TERB1: variants seen among roughly 807,000 people sequenced by gnomAD.
TERB1 encodes the protein telomere repeats-binding bouquet formation protein 1.
Under a neutral mutation model 92.3 loss-of-function variants are expected in TERB1, and 63 were observed. That is an observed-to-expected ratio of 0.68 (90% CI 0.56 to 0.84). TERB1 has a LOEUF of 0.84. Among genes scored for constraint, TERB1 ranks in the 40% least tolerant of loss-of-function variants. The pLI, the probability that TERB1 is intolerant of heterozygous loss-of-function variation, is 0.00. For synonymous variants in TERB1, 252 were observed against 283.9 expected, an observed-to-expected ratio of 0.89 and a Z score of 1.13; for missense variants, 709 against 843.7, an observed-to-expected ratio of 0.84 and a Z score of 1.98.
At chr16:66,774,192 T>TG (rs1224713075) in intron 12 of TERB1, among the ~76,000 whole-genome samples, 6 of 145,130 alleles carry the variant, frequency 4.1e-5, no homozygotes, top group African/African-American at 1.5e-4. Flanking sequence ...AAACGTTTTT[T>TG]TTTTTTTTTT....
chr16:66,772,720 A>G lies in TERB1; in HGVS notation c.1141T>C (p.Tyr381His), dbSNP rs1157753384. The G allele has an allele frequency of 1.3e-6, 2 of 1,547,426 alleles. No homozygotes were observed. Among genetic ancestry groups the G allele is most frequent in the Non-Finnish European group, 1.7e-6 (2 of 1,144,878 alleles). Residue 381 changes from tyrosine (Y) to histidine (H), a missense_variant, in exon 13 of 19, where the codon TAT becomes CAT. Physicochemically the swap from Tyr to His is moderately conservative, Grantham distance 83. Transcript: ENST00000433154. ...TEKLSLSLGE[Y>H]PFDENETQQL... ...TGTGTTTCATTTTCATCAAAAGGAT[A>G]TTCTCCTAGACTTAGAGATAATTTC...
At chr16:66,776,295 C>A (rs2018547444) in intron 11 of TERB1, among the ~76,000 whole-genome samples, 1 of 149,254 alleles carries the variant, frequency 6.7e-6, no homozygotes, top group South Asian at 2.1e-4. Context: ...CACCGCTGCA[C>A]TCCAGCCTGG....
intron 9 of TERB1, among the ~76,000 whole-genome samples, chr16:66,783,136 A>G (rs2018665903): frequency 6.6e-6 from 1 of 152,190 alleles, no homozygotes; most frequent in Non-Finnish European, 1.5e-5. Context: ...TTATAGGCAT[A>G]AGGCACTACA....
At position 66,779,007 on chromosome 16, in the gene TERB1, G is replaced by A. The variant is rs2145170911; in HGVS notation, c.709C>T (p.Gln237Ter). The A allele has an allele frequency of 6.7e-7, 1 of 1,494,878 alleles. No individual in the cohort carries two copies. Among genetic ancestry groups the A allele is most frequent in the East Asian group, 2.5e-5 (1 of 39,552 alleles). 92.6% of individuals were successfully genotyped at this position (1,494,878 alleles called of 1,614,324 possible). ...CCGCCCACAGATACGAAGTATTTCT[G>A]AACATATGCTTAAAGAATAAAGTAG... ...GLTLANNTYV[Q>*]KYFVSVGGLD... The change falls in exon 10 of 19, where the codon CAG (glutamine) becomes TAG (stop). Residue 237 changes from glutamine to a stop codon, truncating the protein, a stop_gained. Transcript: ENST00000433154. LOFTEE classifies it high-confidence loss of function.
chr16:66,768,754 A>AG (rs533305543), intron 14 of TERB1, among the ~76,000 whole-genome samples: 40 of 152,326 alleles, frequency 2.6e-4, no homozygotes, highest in African/African-American at 8.9e-4. Context: ...ACTACATAGG[A>AG]GAAAAAAAGC....
rs1469377764 is a variant in TERB1, at chr16:66,754,950, A to G, written c.*26T>C. The G allele has an allele frequency of 6.5e-7, 1 of 1,530,464 alleles. No individual in the cohort carries two copies. The highest frequency in any genetic ancestry group is 1.3e-5 in the South Asian group (1 of 79,470). The allele number at this position is 1,530,464 out of a possible 1,614,324, so 94.8% of individuals were successfully genotyped here. On this transcript the variant is annotated 3_prime_UTR_variant, in exon 19 of 19. Coordinates refer to ENST00000433154, the MANE Select transcript of TERB1 (RefSeq NM_001136505.2). ...AAGGCACTGTATTTTAAGAATCCAAACTAAAAACTGACAGTCTTCTTTCAA... is the reference window on the plus strand; with the variant it reads ...AAGGCACTGTATTTTAAGAATCCAAGCTAAAAACTGACAGTCTTCTTTCAA...
chr16:66,756,123 T>G (rs2018133946), intron 18 of TERB1, among the ~76,000 whole-genome samples: 1 of 152,122 alleles, frequency 6.6e-6, no homozygotes, highest in Non-Finnish European at 1.5e-5. Flanking sequence ...TTTTCATTCA[T>G]TATTATCTCA....
intron 9 of TERB1, among the ~76,000 whole-genome samples, chr16:66,779,355 T>G (rs543296095): frequency 8.2e-4 from 125 of 152,144 alleles, no homozygotes; most frequent in Non-Finnish European, 1.6e-3. Flanking sequence ...CCCAGCACTT[T>G]GGGAGGCTGA....
intron 3 of TERB1, among the ~76,000 whole-genome samples, chr16:66,795,642 C>T (rs948228336): frequency 2.6e-5 from 4 of 152,178 alleles, no homozygotes; most frequent in Non-Finnish European, 5.9e-5. Flanking sequence ...TCCCCTATCT[C>T]TCCAGTTTTC....
intron 16 of TERB1, 143 bp downstream of exon 16, chr16:66,767,272 G>T: frequency 1.9e-6 from 1 of 524,060 alleles, no homozygotes; most frequent in Admixed American, 4.3e-5. Flanking sequence ...CTGGGAGGTG[G>T]AGAGTGCAGT....
At chr16:66,769,242 C>A (rs2018402574) in intron 14 of TERB1, among the ~76,000 whole-genome samples, 4 of 152,124 alleles carry the variant, frequency 2.6e-5, no homozygotes, top group Admixed American at 2.6e-4. Context: ...CTTCCCAATT[C>A]CCATACCTGA....
intron 18 of TERB1, among the ~76,000 whole-genome samples, chr16:66,757,443 A>C (rs1176243759): frequency 6.6e-6 from 1 of 152,232 alleles, no homozygotes; most frequent in Non-Finnish European, 1.5e-5. Context: ...ATTTGATGCC[A>C]AGCCCTTGTC....
chr16:66,794,247 A>G (rs1036854049), intron 3 of TERB1, among the ~76,000 whole-genome samples: 2 of 151,352 alleles, frequency 1.3e-5, no homozygotes, highest in African/African-American at 4.8e-5. Context: ...ATACACGCAC[A>G]TGCCACCACG....
At position 66,786,061 on chromosome 16, in the gene TERB1, G is replaced by A. The variant is rs2018724633; in HGVS notation, c.530C>T (p.Ser177Phe). 10 of 1,551,744 alleles carry A rather than the reference G, an allele frequency of 6.4e-6. No individual in the cohort carries two copies. Among genetic ancestry groups the A allele is most frequent in the Non-Finnish European group, 8.7e-6 (10 of 1,146,906 alleles). Residue 177 changes from serine (S) to phenylalanine (F), a missense_variant, in exon 8 of 19, where the codon TCT (serine) becomes TTT (phenylalanine). Physicochemically the swap from Ser to Phe is radical, Grantham distance 155. Transcript: ENST00000433154. ...GACACACAGAGTACTACACACTGAA[G>A]ACCACAACTGATAACTCTGGAAAAC... Reference protein sequence around the residue: ...KNVFQSYQLWSSVCSTLCVCV... With the variant: ...KNVFQSYQLWFSVCSTLCVCV...
chr16:66,789,017 CA>C (rs57876042), intron 5 of TERB1, among the ~76,000 whole-genome samples: 61 of 68,322 alleles, frequency 8.9e-4, no homozygotes, highest in Middle Eastern at 0.017. Flanking sequence ...GGTATGGTAC[CA>C]AAAAAAAAAA....
Position 66,786,404 on chromosome 16 carries a change from G to A in TERB1, c.401-119C>T, listed in dbSNP as rs1375825818. ...TTAAACAACTTTAAAGTATTACAAAGTATAACATAGAATTACGGTGGATAA... is the reference window on the plus strand; with the variant it reads ...TTAAACAACTTTAAAGTATTACAAAATATAACATAGAATTACGGTGGATAA... On this transcript the variant is annotated intron_variant, in intron 6 of 18. Transcript: ENST00000433154. 5.7e-6 allele frequency: 4 copies of A among 699,460 alleles called. No individual in the cohort carries two copies. The East Asian group carries it at 8.3e-5, about 14-fold the overall frequency. 43.3% of individuals were successfully genotyped at this position (699,460 alleles called of 1,614,324 possible).
chr16:66,767,535 ATTT>A, intron 15 of TERB1, 25 bp from the exon 16 acceptor site: 1 of 1,009,164 alleles, frequency 9.9e-7, no homozygotes, highest in Non-Finnish European at 1.5e-6. Flanking sequence ...AAAATGAAGG[ATTT>A]TTGGATTAAT....
At chr16:66,779,480 C>T (rs1471719299) in intron 9 of TERB1, among the ~76,000 whole-genome samples, 1 of 152,076 alleles carries the variant, frequency 6.6e-6, no homozygotes, top group Non-Finnish European at 1.5e-5. Flanking sequence ...TGCCTATAAT[C>T]TCAGTTACTC....
At chr16:66,775,037 G>T in intron 12 of TERB1, 81 bp downstream of exon 12, 1 of 1,392,002 alleles carries the variant, frequency 7.2e-7, no homozygotes, top group Non-Finnish European at 9.8e-7. Context: ...GAGAGCTATA[G>T]GGCCTTGGCT....
Sources: allele counts gnomAD v4.1 joint callset (sites outside exome capture counted in the v4.1 genomes callset), GRCh38; gene constraint gnomAD v4.1.1; transcripts MANE v1.5; gene names NCBI Gene and HGNC (gene_info 2026-07-23, HGNC 2026-07-21).